The following RALYL variants were observed in gnomAD, a reference collection of about 807,000 sequenced individuals.
The protein encoded by RALYL is RALY RNA binding protein like.
Under a neutral mutation model 35.1 loss-of-function variants are expected in RALYL, and 29 were observed. The observed-to-expected ratio is 0.83, with a 90% CI of 0.61 to 1.13. The LOEUF (loss-of-function observed/expected upper bound fraction) is 1.13. Ranked by LOEUF, RALYL falls within the 50% of genes most tolerant of loss-of-function variation. The pLI, the probability that RALYL is intolerant of heterozygous loss-of-function variation, is 0.00. For synonymous variants in RALYL, 120 were observed against 127.6 expected (o/e 0.94, Z 0.40); for missense variants, 359 against 360.4 (o/e 1.00, Z 0.03).
chr8:84,607,749 G>A (rs1363339167), intron 2 of RALYL, among the ~76,000 whole-genome samples: 1 of 151,992 alleles, frequency 6.6e-6, no homozygotes, highest in Admixed American at 6.6e-5. Context: ...AACCTATTGT[G>A]TATATACTTA....
chr8:84,419,368 CCTTT>C (rs1222842331), intron 1 of RALYL, among the ~76,000 whole-genome samples: 1 of 152,030 alleles, frequency 6.6e-6, no homozygotes, highest in Admixed American at 6.6e-5. Flanking sequence ...GGGTTTTCTT[CCTTT>C]GTTTCCTTTG....
rs969992816 is a variant in RALYL at position 84,696,393 on chromosome 8, G to A, written c.257-78186G>A. On this transcript the variant is annotated intron_variant, in intron 2 of 8. Transcript: ENST00000521268. ...TCGAATCAAGATTAGGTAGTCACAA[G>A]CTGAAATCTTGGTTCCTTCTTTGTT... Among the ~76,000 whole-genome samples the A allele has an allele frequency of 4.0e-5, 6 of 151,796 alleles. No homozygotes were observed. In the East Asian group the frequency reaches 1.2e-3, roughly 29 times the overall value.
At chr8:84,859,840 G>A (rs1837776704) in intron 5 of RALYL, among the ~76,000 whole-genome samples, 1 of 151,936 alleles carries the variant, frequency 6.6e-6, no homozygotes, top group Admixed American at 6.6e-5. Flanking sequence ...GTGACACTCT[G>A]TCTCAAAAAA....
At chr8:84,494,381 A>C (rs1002860529) in intron 1 of RALYL, among the ~76,000 whole-genome samples, 4 of 152,050 alleles carry the variant, frequency 2.6e-5, no homozygotes, top group Admixed American at 2.6e-4. Context: ...TGTCTTTGCT[A>C]TGTGGGCTTT....
intron 2 of RALYL, among the ~76,000 whole-genome samples, chr8:84,621,066 A>T (rs958795529): frequency 1.3e-5 from 2 of 152,192 alleles, no homozygotes; most frequent in African/African-American, 4.8e-5. Flanking sequence ...CTGCCCCCAG[A>T]GGTGGAGCCT....
rs143949137 is a variant in RALYL, at chr8:84,340,456, C to G, written c.-24+156032C>G. 2.0e-5 allele frequency among the ~76,000 whole-genome samples: 3 copies of G among 152,184 alleles called. No individual in the cohort carries two copies. The East Asian group carries it at 5.8e-4, about 30-fold the overall frequency. ...CTCCCCATTTCCCTTCCTGCTAACC[C>G]TTGGTAACCACTATTCTACTCTTTA... is the stretch of plus-strand genomic sequence containing the variant. On this transcript the variant is annotated intron_variant, in intron 1 of 8. Coordinates refer to ENST00000521268, the MANE Select transcript of RALYL (RefSeq NM_173848.7).
At chr8:84,613,962 A>C (rs1818880719) in intron 2 of RALYL, among the ~76,000 whole-genome samples, 1 of 150,838 alleles carries the variant, frequency 6.6e-6, no homozygotes, top group Non-Finnish European at 1.5e-5. Context: ...TGGTCTAAAA[A>C]GTATAGAATC....
chr8:84,511,761 C>T (rs1251786434), intron 1 of RALYL, among the ~76,000 whole-genome samples: 1 of 152,122 alleles, frequency 6.6e-6, no homozygotes, highest in East Asian at 1.9e-4. Context: ...TCTCTACCTC[C>T]CTTAGCTCTC....
intron 1 of RALYL, among the ~76,000 whole-genome samples, chr8:84,193,231 A>G (rs966913363): frequency 6.6e-6 from 1 of 152,160 alleles, no homozygotes; most frequent in African/African-American, 2.4e-5. Flanking sequence ...TGAAGGAAGG[A>G]TATTTTTAAA....
intron 4 of RALYL, among the ~76,000 whole-genome samples, chr8:84,831,324 G>A (rs1330174422): frequency 2.6e-5 from 4 of 152,112 alleles, no homozygotes; most frequent in Admixed American, 2.0e-4. Flanking sequence ...GAAGATAATC[G>A]TGGAGAATTT....
chr8:84,281,510 A>G (rs1756659658), intron 1 of RALYL, among the ~76,000 whole-genome samples: 1 of 150,062 alleles, frequency 6.7e-6, no homozygotes, highest in African/African-American at 2.5e-5. Context: ...TCTTGAGCAT[A>G]TGGCACTGTT....
chr8:84,371,780 A>T (rs1472228862), intron 1 of RALYL, among the ~76,000 whole-genome samples: 1 of 152,108 alleles, frequency 6.6e-6, no homozygotes, highest in Non-Finnish European at 1.5e-5. Context: ...TAATGTCTTT[A>T]TGAACAGGTT....
chr8:84,649,619 T>C (rs914549519), intron 2 of RALYL, among the ~76,000 whole-genome samples: 2 of 152,244 alleles, frequency 1.3e-5, no homozygotes, highest in African/African-American at 4.8e-5. Flanking sequence ...CTGAGGGCTC[T>C]GTTCTGTTCC....
chr8:84,645,876 C>A (rs1827377989), intron 2 of RALYL, among the ~76,000 whole-genome samples: 1 of 151,900 alleles, frequency 6.6e-6, no homozygotes, highest in Non-Finnish European at 1.5e-5. Context: ...GCTTTTGTAC[C>A]TTGTCATTTC....
intron 2 of RALYL, among the ~76,000 whole-genome samples, chr8:84,632,583 CTGTGTGTG>C (rs112708469): frequency 2.1e-5 from 3 of 145,082 alleles, no homozygotes; most frequent in African/African-American, 5.0e-5. Context: ...TTATATAGAC[CTGTGTGTG>C]TGTGTGTGTG....
chr8:84,449,588 C>A (rs889819651), intron 1 of RALYL, among the ~76,000 whole-genome samples: 1 of 151,986 alleles, frequency 6.6e-6, no homozygotes, highest in African/African-American at 2.4e-5. Flanking sequence ...TTTGCTCCCC[C>A]TGAGACTTTC....
At chr8:84,185,525 CTG>C (rs775738262) in intron 1 of RALYL, among the ~76,000 whole-genome samples, 15 of 152,084 alleles carry the variant, frequency 9.9e-5, no homozygotes, top group Non-Finnish European at 2.1e-4. Context: ...GTATTTAACA[CTG>C]TGACCGAATC....
chr8:84,901,374 C>T (rs768222893), intron 8 of RALYL, among the ~76,000 whole-genome samples: 2 of 152,118 alleles, frequency 1.3e-5, no homozygotes, highest in Non-Finnish European at 2.9e-5. Context: ...AAAAATCGTA[C>T]CTCATGACAG....
intron 3 of RALYL, among the ~76,000 whole-genome samples, chr8:84,801,515 A>ATAAG (rs1279628203): frequency 6.6e-6 from 1 of 152,148 alleles, no homozygotes; most frequent in Non-Finnish European, 1.5e-5. Flanking sequence ...GATGGTGATG[A>ATAAG]TAAGTATTAC....
Sources: gnomAD v4.1 joint callset for allele counts (sites outside exome capture counted in the v4.1 genomes callset) on GRCh38, gnomAD v4.1.1 for gene constraint, MANE v1.5 for transcripts, NCBI Gene and HGNC (gene_info 2026-07-23, HGNC 2026-07-21) for gene names.